The following ABL2 variants were observed in gnomAD, a reference collection of about 807,000 sequenced individuals.
ABL2 encodes tyrosine-protein kinase ABL2.
ABL2 carries 49 observed loss-of-function variants against 107.7 expected under a neutral mutation model. The ratio of observed to expected loss-of-function variants is 0.45; its 90% CI spans 0.36 to 0.58. The LOEUF is 0.58. ABL2 is among the 20% of genes least tolerant of loss of function. ABL2 has a pLI of 0.00. For missense variants in ABL2, 1,245 were observed against 1,457.0 expected, an observed-to-expected ratio of 0.85 and a Z score of 2.37; for synonymous variants, 549 against 548.6, an observed-to-expected ratio of 1.00 and a Z score of -0.01.
intron 1 of ABL2, among the ~76,000 whole-genome samples, chr1:179,187,564 C>G (rs1660743704): frequency 6.6e-6 from 1 of 152,084 alleles, no homozygotes; most frequent in Non-Finnish European, 1.5e-5. Context: ...ATTGGAGTTT[C>G]TTTGGGGAAT....
At position 179,175,895 on chromosome 1, in the gene ABL2, G is replaced by T. The variant is rs541927998; in HGVS notation, c.158-42521C>A. 2.1e-5 allele frequency among the ~76,000 whole-genome samples: 3 copies of T among 143,150 alleles called. No homozygotes were observed. The South Asian group carries it at 6.6e-4, about 32-fold the overall frequency. 93.9% of individuals were successfully genotyped at this position (143,150 alleles called of 152,430 possible). ...GGGGTGTACGAGGGCTCCTTCTGTC[G>T]GCCAGGCTGGAATACAGTGGTACGA... On this transcript the variant is annotated intron_variant, in intron 1 of 11. Coordinates refer to ENST00000502732, the MANE Select transcript of ABL2 (RefSeq NM_007314.4).
At chr1:179,223,721 G>C (rs1050413397) in intron 1 of ABL2, among the ~76,000 whole-genome samples, 28 of 151,994 alleles carry the variant, frequency 1.8e-4, no homozygotes, top group African/African-American at 6.5e-4. Flanking sequence ...ATGAAGTTTA[G>C]TTCTTATATT....
intron 1 of ABL2, among the ~76,000 whole-genome samples, chr1:179,224,127 C>A (rs375110146): frequency 4.0e-5 from 3 of 74,948 alleles, no homozygotes; most frequent in Non-Finnish European, 7.6e-5. Context: ...TGAGACCCTA[C>A]TCACTACAAA....
chr1:179,115,974 C>T lies in ABL2; in HGVS notation c.1409-944G>A, dbSNP rs115356046. ...AACCAAATCATATTACCTCTCAGAG[C>T]AGTAGAAACCAGATCAATTAGGACA... On this transcript the variant is annotated intron_variant, in intron 8 of 11. Transcript: ENST00000502732. 5.0e-3 allele frequency among the ~76,000 whole-genome samples: 753 copies of T among 151,944 alleles called. 4 individuals are homozygous for T. Among genetic ancestry groups the T allele is most frequent in the African/African-American group, 0.017 (691 of 41,404 alleles).
At chr1:179,130,936 A>ATTTTTTTTTTTTT (rs11382795) in intron 3 of ABL2, among the ~76,000 whole-genome samples, 2 of 142,614 alleles carry the variant, frequency 1.4e-5, no homozygotes, top group African/African-American at 2.6e-5. Context: ...TTTCAGGATA[A>ATTTTTTTTTTTTT]TTTTTTTTTT....
chr1:179,153,235 G>A (rs1049585498), intron 1 of ABL2, among the ~76,000 whole-genome samples: 1 of 151,828 alleles, frequency 6.6e-6, no homozygotes, highest in Non-Finnish European at 1.5e-5. Context: ...TGTTCATTTC[G>A]TACATCCTCC....
intron 1 of ABL2, among the ~76,000 whole-genome samples, chr1:179,205,584 T>TA (rs1661924619): frequency 6.6e-6 from 1 of 152,120 alleles, no homozygotes; most frequent in Non-Finnish European, 1.5e-5. Flanking sequence ...CTCTGGGTGA[T>TA]AAAAAATGGG....
intron 9 of ABL2, 100 bp from the exon 10 acceptor site, chr1:179,112,498 TA>T: frequency 1.2e-6 from 1 of 823,898 alleles, no homozygotes. Flanking sequence ...GCACACTTAT[TA>T]AAGTACAGTT....
intron 1 of ABL2, among the ~76,000 whole-genome samples, chr1:179,176,490 AAT>A (rs1490829876): frequency 6.6e-6 from 1 of 152,002 alleles, no homozygotes; most frequent in East Asian, 1.9e-4. Flanking sequence ...ACCCACAAAA[AAT>A]GTTTAAAAAG....
chr1:179,205,739 G>A lies in ABL2; in HGVS notation c.157+23502C>T, dbSNP rs1661937577. Among the ~76,000 whole-genome samples, 4 of 152,156 alleles carry A rather than the reference G, an allele frequency of 2.6e-5. No homozygotes were observed. The South Asian group carries it at 8.3e-4, about 32-fold the overall frequency. On this transcript the variant is annotated intron_variant, in intron 1 of 11. Transcript: ENST00000502732. Reference sequence around the variant, plus strand: ...AGGGCGGGTAAGGGGGATTGTTGTTGTGGATACTAACTTATTACCTAGTCT... The same window carrying A: ...AGGGCGGGTAAGGGGGATTGTTGTTATGGATACTAACTTATTACCTAGTCT...
chr1:179,104,688 A>G lies in ABL2; in HGVS notation c.*3030T>C, dbSNP rs1335226424. On this transcript the variant is annotated 3_prime_UTR_variant, in exon 12 of 12. Coordinates refer to ENST00000502732, the MANE Select transcript of ABL2 (RefSeq NM_007314.4). ...GTAAAGCACAATCAAGATGTATTCA[A>G]CACAAATCACTGCATTTTAAAGTGG... is the stretch of plus-strand genomic sequence containing the variant. 1 of 210,410 alleles carries G rather than the reference A, an allele frequency of 4.8e-6. No individual in the cohort carries two copies. The highest frequency in any genetic ancestry group is 9.6e-6 in the Non-Finnish European group (1 of 103,778). 13.0% of individuals were successfully genotyped at this position (210,410 alleles called of 1,614,324 possible).
chr1:179,121,482 TG>T, intron 5 of ABL2, 112 bp downstream of exon 5: 1 of 1,354,490 alleles, frequency 7.4e-7, no homozygotes, highest in Non-Finnish European at 1.0e-6. Context: ...CTGATGTGCT[TG>T]GCACTAGTGG....
chr1:179,120,410 C>T, intron 5 of ABL2, 136 bp from the exon 6 acceptor site: 1 of 435,728 alleles, frequency 2.3e-6, no homozygotes, highest in Non-Finnish European at 4.0e-6. Flanking sequence ...TAGCATATTA[C>T]AAGATATAAT....
chr1:179,218,994 C>T (rs1662729135), intron 1 of ABL2, among the ~76,000 whole-genome samples: 2 of 152,202 alleles, frequency 1.3e-5, no homozygotes, highest in South Asian at 4.1e-4. Context: ...TGCAGTGCCA[C>T]ATTAAGAAAA....
intron 1 of ABL2, among the ~76,000 whole-genome samples, chr1:179,180,238 T>C (rs1660292905): frequency 6.6e-6 from 1 of 151,888 alleles, no homozygotes; most frequent in African/African-American, 2.4e-5. Flanking sequence ...GGAGCATGTA[T>C]GAGATTGGGA....
intron 1 of ABL2, among the ~76,000 whole-genome samples, chr1:179,208,760 A>G (rs1181101925): frequency 1.3e-5 from 2 of 152,230 alleles, no homozygotes; most frequent in Non-Finnish European, 2.9e-5. Flanking sequence ...GTAGTAGGAT[A>G]ATGTGTCTGA....
intron 4 of ABL2, among the ~76,000 whole-genome samples, chr1:179,124,521 T>C (rs1655559222): frequency 1.4e-5 from 2 of 142,826 alleles, no homozygotes; most frequent in African/African-American, 2.7e-5. Flanking sequence ...CAGGCTGGAG[T>C]GCAGTGGCAC....
At position 179,141,806 on chromosome 1, in the gene ABL2, C is replaced by A. The variant is rs1458399943; in HGVS notation, c.158-8432G>T. On this transcript the variant is annotated intron_variant, in intron 1 of 11. Transcript: ENST00000502732. The stretch of plus-strand genomic sequence containing the variant: ...TAAACACCATTCTACCCATTAGCAC[C>A]AAACAAAAGGAAAACTTTTTCAAAG... Among the ~76,000 whole-genome samples the A allele has an allele frequency of 3.3e-5, 5 of 152,124 alleles. No homozygotes were observed. In the East Asian group the frequency reaches 9.6e-4, roughly 29 times the overall value.
chr1:179,152,995 G>T (rs568163240), intron 1 of ABL2, among the ~76,000 whole-genome samples: 1 of 152,174 alleles, frequency 6.6e-6, no homozygotes, highest in African/African-American at 2.4e-5. Context: ...AGACTAGAAT[G>T]TAAGTGGGGT....
Sources: allele counts gnomAD v4.1 joint callset (sites outside exome capture counted in the v4.1 genomes callset), GRCh38; gene constraint gnomAD v4.1.1; transcripts MANE v1.5; gene names NCBI Gene and HGNC (gene_info 2026-07-23, HGNC 2026-07-21).